The following TBC1D14 variants were observed in gnomAD, a reference collection of about 807,000 sequenced individuals.
TBC1D14 encodes TBC1 domain family, member 14.
A neutral mutation model predicts 79.0 loss-of-function variants in TBC1D14; 26 were observed. The ratio of observed to expected loss-of-function variants is 0.33; its 90% confidence interval spans 0.24 to 0.46. TBC1D14 has a LOEUF of 0.46. Among genes scored for constraint, TBC1D14 ranks in the 20% least tolerant of loss-of-function variants. TBC1D14 has a pLI of 1.00. For missense variants in TBC1D14, 769 were observed against 887.6 expected (o/e 0.87, Z 1.70); for synonymous variants, 394 against 349.9 (o/e 1.13, Z -1.40).
In TBC1D14 at chr4:7,025,442, T is replaced by G. The variant is rs528815434; in HGVS notation, c.2016+180T>G. Reference sequence around the variant, plus strand: ...CCACAGGGCGTCTCGGCGGGTCGCCTCCTCTTTGGGTTTCTGTCAGCTGGA... The same window carrying G: ...CCACAGGGCGTCTCGGCGGGTCGCCGCCTCTTTGGGTTTCTGTCAGCTGGA... On this transcript the variant is annotated intron_variant, in intron 13 of 13. Coordinates refer to ENST00000409757, the MANE Select transcript of TBC1D14 (RefSeq NM_020773.3). 6.6e-5 allele frequency among the ~76,000 whole-genome samples: 10 copies of G among 151,326 alleles called. No homozygotes were observed. The East Asian group carries it at 2.0e-3, about 30-fold the overall frequency.
At chr4:6,918,550 G>T (rs902755604) in intron 1 of TBC1D14, among the ~76,000 whole-genome samples, 1 of 152,154 alleles carries the variant, frequency 6.6e-6, no homozygotes, top group Non-Finnish European at 1.5e-5. Flanking sequence ...TGAGCTATAG[G>T]GTATTGTCCC....
intron 3 of TBC1D14, among the ~76,000 whole-genome samples, chr4:6,986,335 C>T (rs2109115445): frequency 6.6e-6 from 1 of 152,340 alleles, no homozygotes; most frequent in Admixed American, 6.5e-5. Flanking sequence ...TCGTATTTCT[C>T]TTGGGTGGGT....
At chr4:6,961,101 G>T (rs1432929020) in intron 2 of TBC1D14, among the ~76,000 whole-genome samples, 1 of 152,128 alleles carries the variant, frequency 6.6e-6, no homozygotes, top group African/African-American at 2.4e-5. Flanking sequence ...TACTTTGTTG[G>T]TGTCCCCTGT....
chr4:6,997,027 T>C (rs1031035437), intron 5 of TBC1D14: 4 of 152,262 alleles, frequency 2.6e-5, no homozygotes, highest in Admixed American at 2.0e-4. Context: ...TGAGGGCGAT[T>C]TGGCTGTCAT....
In TBC1D14 at chr4:6,923,563, G is replaced by A. The variant is rs781015384; in HGVS notation, c.174G>A (p.Arg58=). ...TGAAACTCAGGGCTTTAGAAGACCG[G>A]CACAGCCTCCAGTCCGTGGACTCGG... The part of the protein sequence containing the change: ...PKLKLRALED[R]HSLQSVDSGI... Residue 58 remains arginine (R), a synonymous_variant, in exon 2 of 14, where the codon CGG becomes CGA. Transcript: ENST00000409757. The A allele has an allele frequency of 5.6e-6, 9 of 1,614,028 alleles. No individual in the cohort carries two copies. In the South Asian group the frequency reaches 8.8e-5, roughly 16 times the overall value.
intron 9 of TBC1D14, chr4:7,007,576 G>A (rs1488829159): frequency 1.6e-6 from 2 of 1,289,406 alleles, no homozygotes; most frequent in Non-Finnish European, 1.0e-6. Flanking sequence ...TTTCAGAAGA[G>A]GAAAGAGAGG....
At chr4:6,921,008 G>T (rs1222393127) in intron 1 of TBC1D14, among the ~76,000 whole-genome samples, 1 of 152,186 alleles carries the variant, frequency 6.6e-6, no homozygotes, top group South Asian at 2.1e-4. Context: ...TGGAACTCCT[G>T]ACCTCAGGTG....
rs543358259 is a variant in TBC1D14, at chr4:6,923,762, C to T, written c.373C>T (p.Arg125Cys). The change falls in exon 2 of 14, where the codon CGC becomes TGC. Residue 125 changes from arginine (R) to cysteine (C), a missense_variant. Arg to Cys is a radical substitution (Grantham distance 180, BLOSUM62 -3). Coordinates refer to ENST00000409757, the MANE Select transcript of TBC1D14 (RefSeq NM_020773.3). ...CAGCACCGAGCGGGAACAGAGCGTG[C>T]GCAAATCCTCCACGTTTCCCAGGAC... ...PSSTEREQSV[R>C]KSSTFPRTGY... 11 of 1,614,056 alleles carry T rather than the reference C, an allele frequency of 6.8e-6. No individual in the cohort carries two copies. Among genetic ancestry groups the T allele is most frequent in the South Asian group, 6.6e-5 (6 of 91,088 alleles).
intron 2 of TBC1D14, among the ~76,000 whole-genome samples, chr4:6,963,402 CCT>C (rs960789148): frequency 2.2e-4 from 33 of 152,342 alleles, no homozygotes; most frequent in African/African-American, 7.5e-4. Flanking sequence ...GTGTGGTCTC[CCT>C]GTCGGGCAGA....
intron 6 of TBC1D14, 135 bp from the exon 7 acceptor site, chr4:7,001,010 T>G: frequency 1.5e-6 from 1 of 687,864 alleles, no homozygotes; most frequent in Admixed American, 2.4e-5. Flanking sequence ...CCCTGGACTC[T>G]AAGCTTCCTG....
At chr4:7,014,410 C>A in intron 11 of TBC1D14, 38 bp from the exon 12 acceptor site, 1 of 1,395,074 alleles carries the variant, frequency 7.2e-7, no homozygotes, top group Non-Finnish European at 1.0e-6. Context: ...AAAACTTGTG[C>A]AGATAGTTTC....
At chr4:6,986,514 G>A (rs567460823) in intron 3 of TBC1D14, among the ~76,000 whole-genome samples, 302 of 152,322 alleles carry the variant, frequency 2.0e-3, no homozygotes, top group African/African-American at 7.1e-3. Flanking sequence ...ATGGAGACCT[G>A]TCTGCCGGCG....
chr4:7,007,994 G>T (rs1720378947), intron 9 of TBC1D14, among the ~76,000 whole-genome samples: 1 of 152,182 alleles, frequency 6.6e-6, no homozygotes, highest in African/African-American at 2.4e-5. Context: ...TTTTATCACA[G>T]ATTGCCTTCC....
chr4:6,922,885 A>G (rs890128697), intron 1 of TBC1D14, among the ~76,000 whole-genome samples: 4 of 152,152 alleles, frequency 2.6e-5, no homozygotes, highest in African/African-American at 9.7e-5. Context: ...GCTATGTTAT[A>G]TCATGACAGT....
At chr4:7,001,057 A>G in intron 6 of TBC1D14, 88 bp from the exon 7 acceptor site, 1 of 1,072,570 alleles carries the variant, frequency 9.3e-7, no homozygotes. Flanking sequence ...GGTGCATCCC[A>G]GCTCTTGGTG....
intron 2 of TBC1D14, among the ~76,000 whole-genome samples, chr4:6,928,552 G>T (rs904143767): frequency 1.3e-5 from 2 of 152,168 alleles, no homozygotes; most frequent in African/African-American, 4.8e-5. Flanking sequence ...ATATGAGGGG[G>T]CCGGGTGCGG....
chr4:6,981,968 T>G (rs918401720), intron 3 of TBC1D14, among the ~76,000 whole-genome samples: 2 of 152,338 alleles, frequency 1.3e-5, no homozygotes, highest in African/African-American at 4.8e-5. Flanking sequence ...AAGACAAGGA[T>G]GTCCGCTCTT....
At chr4:6,954,447 G>A in intron 2 of TBC1D14, 1 of 711,266 alleles carries the variant, frequency 1.4e-6, no homozygotes, top group East Asian at 2.7e-5. Flanking sequence ...GGCCTTGGTT[G>A]GGCTGAGGTG....
chr4:6,983,570 A>C (rs1717567496), intron 3 of TBC1D14, among the ~76,000 whole-genome samples: 1 of 152,180 alleles, frequency 6.6e-6, no homozygotes, highest in African/African-American at 2.4e-5. Context: ...CGTTTGGTGG[A>C]GAACAGGTCT....
Sources: gnomAD v4.1 joint callset for allele counts (sites outside exome capture counted in the v4.1 genomes callset) on GRCh38, gnomAD v4.1.1 for gene constraint, MANE v1.5 for transcripts, NCBI Gene and HGNC (gene_info 2026-07-23, HGNC 2026-07-21) for gene names.